The following RYR2 variants were observed in gnomAD, a reference collection of about 807,000 sequenced individuals.
RYR2 encodes the protein cardiac muscle ryanodine receptor-calcium release channel.
A neutral mutation model predicts 601.1 loss-of-function variants in RYR2; 227 were observed. That is an observed-to-expected ratio of 0.38 (90% confidence interval 0.34 to 0.42). The LOEUF is 0.42. Among genes scored for constraint, RYR2 ranks in the 10% least tolerant of loss-of-function variants. The probability of loss-of-function intolerance (pLI) is 1.00; values close to 1 mark genes in which losing one functional copy is unlikely to be tolerated. For synonymous variants in RYR2, 2,223 were observed against 2,175.1 expected, an observed-to-expected ratio of 1.02 and a Z score of -0.61; for missense variants, 4,646 against 6,156.5, an observed-to-expected ratio of 0.75 and a Z score of 8.21.
At chr1:237,761,144 G>C in intron 84 of RYR2, 116 bp downstream of exon 84, 1 of 693,154 alleles carries the variant, frequency 1.4e-6, no homozygotes, top group Non-Finnish European at 2.5e-6. Flanking sequence ...TTGATGAAAT[G>C]CTTACATGAC....
chr1:237,643,232 T>C (rs1681751427), intron 47 of RYR2, 95 bp from the exon 48 acceptor site: 11 of 1,496,232 alleles, frequency 7.4e-6, no homozygotes, highest in Non-Finnish European at 9.1e-7. Context: ...CAGAAAATTA[T>C]TTTGGACTTG....
At chr1:237,442,466 T>A (rs1424956275) in intron 13 of RYR2, among the ~76,000 whole-genome samples, 1 of 152,214 alleles carries the variant, frequency 6.6e-6, no homozygotes, top group Admixed American at 6.5e-5. Context: ...TCTGTGTGTG[T>A]GTATGCAGTC....
At chr1:237,154,859 A>G (rs186201221) in intron 1 of RYR2, among the ~76,000 whole-genome samples, 44 of 152,354 alleles carry the variant, frequency 2.9e-4, no homozygotes, top group African/African-American at 1.0e-3. Flanking sequence ...AAGTTCCTCA[A>G]AACAGTTGTT....
At chr1:237,594,130 G>A (rs548282956) in intron 33 of RYR2, among the ~76,000 whole-genome samples, 5 of 152,286 alleles carry the variant, frequency 3.3e-5, no homozygotes, top group Non-Finnish European at 7.4e-5. Flanking sequence ...GTGGCTTTGG[G>A]TAAGTCAGTT....
rs182844435 is a variant in RYR2, at chr1:237,575,551, G to A, written c.3598+6232G>A. On this transcript the variant is annotated intron_variant, in intron 29 of 104. Transcript: ENST00000366574. ...TCTCTTCTTTCCCCCCACCCCCGGC[G>A]TACCTATATAAATTTCCATCCATCT... 9.9e-5 allele frequency among the ~76,000 whole-genome samples: 15 copies of A among 151,710 alleles called. No individual in the cohort carries two copies. The East Asian group carries it at 1.6e-3, about 16-fold the overall frequency.
intron 1 of RYR2, among the ~76,000 whole-genome samples, chr1:237,069,023 A>T (rs2148306661): frequency 6.6e-6 from 1 of 152,336 alleles, no homozygotes; most frequent in East Asian, 1.9e-4. Flanking sequence ...ATGTAAGAAA[A>T]GTTCAATGAT....
chr1:237,212,309 C>G (rs968375880), intron 1 of RYR2, among the ~76,000 whole-genome samples: 2 of 152,094 alleles, frequency 1.3e-5, no homozygotes, highest in Non-Finnish European at 2.9e-5. Flanking sequence ...AGTTGCCCAC[C>G]AACATTTTTA....
chr1:237,083,763 C>A (rs6684412), intron 1 of RYR2, among the ~76,000 whole-genome samples: 110,006 of 151,924 alleles, frequency 0.72, 40,701 homozygotes, highest in Non-Finnish European at 0.79. Flanking sequence ...ATATTACTGG[C>A]CTTACCACTC....
At chr1:237,490,529 G>A (rs79327959) in intron 17 of RYR2, among the ~76,000 whole-genome samples, 1 of 152,016 alleles carries the variant, frequency 6.6e-6, no homozygotes, top group African/African-American at 2.4e-5. Flanking sequence ...AAAAAAAAAG[G>A]TATTCAGTTT....
chr1:237,123,588 TAAC>T lies in RYR2; in HGVS notation c.48+81025_48+81027del, dbSNP rs1452452019. On this transcript the variant is annotated intron_variant, in intron 1 of 104. Coordinates refer to ENST00000366574, the MANE Select transcript of RYR2 (RefSeq NM_001035.3). ...GGTGACAGAGTGGGGCCCTCTCTCT[TAAC>T]AACAAAAATAACAACAAAAAAGTGA... Among the ~76,000 whole-genome samples the T allele has an allele frequency of 5.3e-5, 8 of 151,200 alleles. 1 individual carries two copies. In the Middle Eastern group the frequency reaches 0.014, roughly 259 times the overall value.
Position 237,381,251 on chromosome 1 carries a change from C to CAAAAAAA in RYR2, c.576+3835_576+3841dup, listed in dbSNP as rs60493059. Among the ~76,000 whole-genome samples the CAAAAAAA allele has an allele frequency of 1.9e-3, 88 of 45,586 alleles. 1 individual carries two copies. Among genetic ancestry groups the CAAAAAAA allele is most frequent in the East Asian group, 4.1e-3 (6 of 1,446 alleles). The allele number at this position is 45,586 out of a possible 152,430, so 29.9% of individuals were successfully genotyped here. A position where few individuals can be genotyped will look rare whatever the true frequency, so the allele number is the denominator to read the frequency against. On this transcript the variant is annotated intron_variant, in intron 8 of 104. Coordinates refer to ENST00000366574, the MANE Select transcript of RYR2 (RefSeq NM_001035.3). ...TAGGTGACAGAACGAGACTCCGTCT[C>CAAAAAAA]AAAAAAAAAAAAAAAAAAAAAAAAA...
intron 80 of RYR2, among the ~76,000 whole-genome samples, chr1:237,744,497 A>C (rs565475579): frequency 1.3e-5 from 2 of 152,090 alleles, no homozygotes; most frequent in South Asian, 4.2e-4. Flanking sequence ...CTCTACTAAA[A>C]ATACAAAAAT....
chr1:237,636,964 A>G (rs1370615203), intron 44 of RYR2, among the ~76,000 whole-genome samples: 3 of 152,224 alleles, frequency 2.0e-5, no homozygotes, highest in South Asian at 2.1e-4. Flanking sequence ...GGTTATGTGT[A>G]CAAGTGTCCT....
chr1:237,642,685 C>G (rs1681688579), intron 47 of RYR2, among the ~76,000 whole-genome samples: 1 of 152,074 alleles, frequency 6.6e-6, no homozygotes, highest in African/African-American at 2.4e-5. Context: ...AAACAGATGC[C>G]CATCCCGGCT....
At chr1:237,500,639 G>C in intron 20 of RYR2, 72 bp from the exon 21 acceptor site, 5 of 1,330,160 alleles carry the variant, frequency 3.8e-6, no homozygotes, top group Non-Finnish European at 5.2e-6. Context: ...CAAATCTTTT[G>C]ACTTTGGCTC....
chr1:237,358,767 AAG>A (rs1457076035), intron 4 of RYR2, among the ~76,000 whole-genome samples: 1 of 151,918 alleles, frequency 6.6e-6, no homozygotes, highest in Non-Finnish European at 1.5e-5. Flanking sequence ...CAGGCATAGT[AAG>A]ACACCAGTCT....
chr1:237,728,622 A>G (rs2149149982), intron 76 of RYR2, among the ~76,000 whole-genome samples: 1 of 152,262 alleles, frequency 6.6e-6, no homozygotes, highest in South Asian at 2.1e-4. Context: ...GAATGAGTTC[A>G]TGTCCCTTGC....
chr1:237,478,762 T>C (rs1661693505), intron 17 of RYR2, among the ~76,000 whole-genome samples: 1 of 150,314 alleles, frequency 6.7e-6, no homozygotes, highest in African/African-American at 2.5e-5. Flanking sequence ...CCAGACAGCA[T>C]GTAAGCCACC....
chr1:237,657,801 A>G, intron 53 of RYR2, 143 bp from the exon 54 acceptor site: 1 of 503,050 alleles, frequency 2.0e-6, no homozygotes, highest in Non-Finnish European at 3.6e-6. Context: ...AAAATAGAAA[A>G]ATGTAATTCT....
Sources: gnomAD v4.1 joint callset for allele counts (sites outside exome capture counted in the v4.1 genomes callset) on GRCh38, gnomAD v4.1.1 for gene constraint, MANE v1.5 for transcripts, NCBI Gene and HGNC (gene_info 2026-07-23, HGNC 2026-07-21) for gene names.